NTNG2: variants seen among roughly 807,000 people sequenced by gnomAD.
NTNG2 encodes netrin-G2.
In NTNG2, 15 loss-of-function variants were observed where a neutral mutation model predicts 47.6. The observed-to-expected ratio is 0.32, with a 90% CI of 0.21 to 0.49. The LOEUF is 0.49. Ranked by LOEUF, NTNG2 falls within the 20% of genes least tolerant of loss-of-function variation. NTNG2 has a pLI of 0.99. For synonymous variants in NTNG2, 307 were observed against 324.6 expected (o/e 0.95, Z 0.58); for missense variants, 578 against 764.6 (o/e 0.76, Z 2.88).
chr9:132,199,197 G>C (rs1285427489), intron 3 of NTNG2, among the ~76,000 whole-genome samples: 1 of 152,102 alleles, frequency 6.6e-6, no homozygotes, highest in Non-Finnish European at 1.5e-5. Flanking sequence ...GGGCAGAGCT[G>C]GGCTAACTCC....
At chr9:132,241,791 T>TCGCACACCCTGCTTCGCGGGAG (rs1842005312) in intron 7 of NTNG2, 85 bp from the exon 8 acceptor site, 6 of 1,023,036 alleles carry the variant, frequency 5.9e-6, no homozygotes, top group Non-Finnish European at 8.2e-6. Context: ...GCCCCCGGGA[T>TCGCACACCCTGCTTCGCGGGAG]CTCGCACACC....
At chr9:132,186,645 T>C (rs960167904) in intron 2 of NTNG2, among the ~76,000 whole-genome samples, 1 of 152,192 alleles carries the variant, frequency 6.6e-6, no homozygotes, top group Admixed American at 6.5e-5. Flanking sequence ...TGCCCTCAGG[T>C]CCTCCGAAAG....
intron 4 of NTNG2, among the ~76,000 whole-genome samples, chr9:132,228,175 T>G (rs1303816608): frequency 2.6e-5 from 4 of 152,178 alleles, no homozygotes; most frequent in Admixed American, 6.5e-5. Context: ...CTGGGCATCC[T>G]CCCTCGACGG....
At chr9:132,241,655 G>A (rs1242771486) in intron 7 of NTNG2, among the ~76,000 whole-genome samples, 1 of 152,172 alleles carries the variant, frequency 6.6e-6, no homozygotes, top group African/African-American at 2.4e-5. Context: ...CCAGTGGGGC[G>A]GGGAGAGAGG....
At chr9:132,196,599 C>T (rs1838333187) in intron 2 of NTNG2, among the ~76,000 whole-genome samples, 1 of 152,208 alleles carries the variant, frequency 6.6e-6, no homozygotes, top group African/African-American at 2.4e-5. Context: ...CCTAGTCATC[C>T]CTCTGACCCT....
intron 2 of NTNG2, among the ~76,000 whole-genome samples, chr9:132,186,540 G>A (rs375652747): frequency 2.0e-5 from 3 of 152,222 alleles, no homozygotes; most frequent in South Asian, 2.1e-4. Flanking sequence ...TGAGCAGTGG[G>A]TGCCCACACC....
In NTNG2 at chr9:132,231,657, C is replaced by T; in HGVS notation, c.1054+1062C>T. The T allele has an allele frequency of 3.7e-6, 1 of 272,394 alleles. No homozygotes were observed. Among genetic ancestry groups the T allele is most frequent in the Admixed American group, 5.2e-5 (1 of 19,378 alleles). 16.9% of individuals were successfully genotyped at this position (272,394 alleles called of 1,614,324 possible). On this transcript the variant is annotated intron_variant, in intron 5 of 7. Coordinates refer to ENST00000393229, the MANE Select transcript of NTNG2 (RefSeq NM_032536.4). The surrounding 1 kb of genome is among the most constrained non-coding windows in gnomAD (Gnocchi z 4.1). The stretch of plus-strand genomic sequence containing the variant: ...TCTCTCACCAGGCATCAGCAGGTCC[C>T]AGAAAGACCCCGACCCCAAAGGCCC...
rs1564430882 is a variant in NTNG2 at position 132,221,956 on chromosome 9, C to T, written c.858-4893C>T. On this transcript the variant is annotated intron_variant, in intron 3 of 7. Coordinates refer to ENST00000393229, the MANE Select transcript of NTNG2 (RefSeq NM_032536.4). The surrounding 1 kb of genome is among the most constrained non-coding windows in gnomAD (Gnocchi z 4.2). Reference sequence around the variant, plus strand: ...TAGCTGATATCTAAAAATATCCCTTCCTCAGGCCAGCAGTGCGGAGCACAG... The same window carrying T: ...TAGCTGATATCTAAAAATATCCCTTTCTCAGGCCAGCAGTGCGGAGCACAG... Among the ~76,000 whole-genome samples the T allele has an allele frequency of 1.3e-5, 2 of 152,268 alleles. No individual in the cohort carries two copies. The highest frequency in any genetic ancestry group is 1.5e-5 in the Non-Finnish European group (1 of 68,056).
chr9:132,187,571 GAGA>G, intron 2 of NTNG2, among the ~76,000 whole-genome samples: 1 of 33,620 alleles, frequency 3.0e-5, no homozygotes, highest in Non-Finnish European at 5.1e-5. Flanking sequence ...GAGGGAGCAA[GAGA>G]GAGAGAGAGA....
intron 3 of NTNG2, among the ~76,000 whole-genome samples, chr9:132,209,869 G>A (rs1168379936): frequency 6.6e-6 from 1 of 151,112 alleles, no homozygotes; most frequent in East Asian, 2.0e-4. Flanking sequence ...CGGCAGCGTT[G>A]GCGTTGGGAT....
chr9:132,204,455 T>A (rs1302886264), intron 3 of NTNG2, among the ~76,000 whole-genome samples: 1 of 151,938 alleles, frequency 6.6e-6, no homozygotes, highest in Non-Finnish European at 1.5e-5. Flanking sequence ...GGTGGGCAGG[T>A]GGGCGCGGGG....
intron 2 of NTNG2, among the ~76,000 whole-genome samples, chr9:132,191,733 G>A (rs966256933): frequency 1.3e-5 from 2 of 152,002 alleles, no homozygotes; most frequent in African/African-American, 2.4e-5. Flanking sequence ...CGCTACACCC[G>A]GCTAATTTTT....
intron 3 of NTNG2, among the ~76,000 whole-genome samples, chr9:132,200,254 C>T (rs529935142): frequency 3.3e-5 from 5 of 152,248 alleles, no homozygotes; most frequent in African/African-American, 7.2e-5. Flanking sequence ...TGGGGCAGTC[C>T]GGGCCAGGAG....
chr9:132,214,085 C>T (rs1374146477), intron 3 of NTNG2, among the ~76,000 whole-genome samples: 1 of 152,236 alleles, frequency 6.6e-6, no homozygotes, highest in Non-Finnish European at 1.5e-5. Context: ...TCCTCCCTGC[C>T]CAGCTCCAGC....
intron 2 of NTNG2, among the ~76,000 whole-genome samples, chr9:132,192,493 A>G (rs1459930434): frequency 6.6e-6 from 1 of 152,226 alleles, no homozygotes; most frequent in Admixed American, 6.5e-5. Context: ...TGGGAGACTG[A>G]GGCAGGAGTA....
At chr9:132,223,801 T>G (rs1840527237) in intron 3 of NTNG2, among the ~76,000 whole-genome samples, 1 of 152,076 alleles carries the variant, frequency 6.6e-6, no homozygotes, top group African/African-American at 2.4e-5. Flanking sequence ...GACAAACCAG[T>G]CTCCATGAAG....
chr9:132,183,760 C>T (rs550781010), intron 2 of NTNG2, among the ~76,000 whole-genome samples: 1 of 152,168 alleles, frequency 6.6e-6, no homozygotes, highest in Non-Finnish European at 1.5e-5. Flanking sequence ...CGTGTGGGGG[C>T]CCTTCCCTGG....
chr9:132,217,274 C>T (rs1057354075), intron 3 of NTNG2, among the ~76,000 whole-genome samples: 11 of 152,210 alleles, frequency 7.2e-5, no homozygotes, highest in Non-Finnish European at 1.6e-4. Context: ...TACTTCATCT[C>T]CCGAGGGCCT....
chr9:132,229,602 C>T (rs1841045017), intron 4 of NTNG2, among the ~76,000 whole-genome samples: 1 of 152,228 alleles, frequency 6.6e-6, no homozygotes, highest in African/African-American at 2.4e-5. Flanking sequence ...CCAGTCCTGG[C>T]CCTTGCTTAC....
Sources: gnomAD v4.1 joint callset for allele counts (sites outside exome capture counted in the v4.1 genomes callset) on GRCh38, gnomAD v4.1.1 for gene constraint, Gnocchi (gnomAD v3.1) non-coding constraint, MANE v1.5 for transcripts, NCBI Gene and HGNC (gene_info 2026-07-23, HGNC 2026-07-21) for gene names.